The following ATXN1 variants were observed in gnomAD, a reference collection of about 807,000 sequenced individuals.
The protein encoded by ATXN1 is ataxin-1.
Under a neutral mutation model 56.4 loss-of-function variants are expected in ATXN1, and 8 were observed. That is an observed-to-expected ratio of 0.14 (90% CI 0.08 to 0.26). ATXN1 has a LOEUF of 0.26. Among genes scored for constraint, ATXN1 ranks in the 10% least tolerant of loss-of-function variants. The probability of loss-of-function intolerance (pLI) is 1.00; values close to 1 mark genes in which losing one functional copy is unlikely to be tolerated. For synonymous variants in ATXN1, 514 were observed against 494.6 expected (o/e 1.04, Z -0.52); for missense variants, 987 against 1,106.5 (o/e 0.89, Z 1.53).
At chr6:16,704,856 A>G (rs1759372903) in intron 2 of ATXN1, among the ~76,000 whole-genome samples, 1 of 152,202 alleles carries the variant, frequency 6.6e-6, no homozygotes, top group African/African-American at 2.4e-5. Context: ...CGTCTGCACC[A>G]ATGTGCAGAA....
At chr6:16,651,881 A>C (rs1341651904) in intron 3 of ATXN1, 1 of 152,122 alleles carries the variant, frequency 6.6e-6, no homozygotes, top group African/African-American at 2.4e-5. Context: ...TTTCCTTTTT[A>C]CTCCAACAAT....
intron 2 of ATXN1, among the ~76,000 whole-genome samples, chr6:16,735,829 GA>G (rs950422961): frequency 1.3e-5 from 2 of 148,866 alleles, no homozygotes; most frequent in African/African-American, 4.9e-5. Context: ...TCTCAAAAAA[GA>G]AAAAAAAACT....
chr6:16,450,825 T>G (rs1401795209), intron 6 of ATXN1, among the ~76,000 whole-genome samples: 1 of 152,180 alleles, frequency 6.6e-6, no homozygotes, highest in Non-Finnish European at 1.5e-5. Flanking sequence ...TTCCTAAACA[T>G]CATGGAGAGG....
chr6:16,647,969 G>T (rs1266611301), intron 3 of ATXN1, among the ~76,000 whole-genome samples: 2 of 152,112 alleles, frequency 1.3e-5, no homozygotes, highest in African/African-American at 2.4e-5. Flanking sequence ...CCAGCTACTT[G>T]GGAGGCTGAG....
Position 16,306,996 on chromosome 6 carries a change from C to G in ATXN1, c.1918-137G>C. 1 of 1,066,850 alleles carries G rather than the reference C, an allele frequency of 9.4e-7. No individual in the cohort carries two copies. Among genetic ancestry groups the G allele is most frequent in the Non-Finnish European group, 1.3e-6 (1 of 763,094 alleles). 66.1% of individuals were successfully genotyped at this position (1,066,850 alleles called of 1,614,324 possible). ...ACAGGCTGAATGGGGGAAAATGACT[C>G]AGTTTGCAAACCTCCCTCTCCCCCA... On this transcript the variant is annotated intron_variant, in intron 7 of 7. Transcript: ENST00000436367. This position sits in a 1 kb window ranked among gnomAD's most constrained non-coding sequence, Gnocchi z 5.2.
intron 2 of ATXN1, among the ~76,000 whole-genome samples, chr6:16,741,992 G>T (rs1323389326): frequency 1.3e-5 from 2 of 152,170 alleles, no homozygotes; most frequent in Non-Finnish European, 2.9e-5. Flanking sequence ...AACAGAACAG[G>T]AAAGCCAAAA....
At chr6:16,394,219 G>A (rs1758410729) in intron 6 of ATXN1, among the ~76,000 whole-genome samples, 1 of 152,088 alleles carries the variant, frequency 6.6e-6, no homozygotes, top group Non-Finnish European at 1.5e-5. Context: ...CTGTGATTAT[G>A]GAAGGAAGTA....
At chr6:16,604,170 T>G (rs902788485) in intron 3 of ATXN1, among the ~76,000 whole-genome samples, 1 of 151,968 alleles carries the variant, frequency 6.6e-6, no homozygotes, top group Non-Finnish European at 1.5e-5. Context: ...ATGGAAATGC[T>G]TCTCAAGAAC....
At chr6:16,561,344 GTTAA>G (rs541464496) in intron 4 of ATXN1, among the ~76,000 whole-genome samples, 231 of 152,262 alleles carry the variant, frequency 1.5e-3, no homozygotes, top group Middle Eastern at 3.4e-3. Flanking sequence ...AATTACAGGA[GTTAA>G]TTATTTTGGT....
intron 5 of ATXN1, among the ~76,000 whole-genome samples, chr6:16,514,682 G>A (rs113415655): frequency 6.6e-6 from 1 of 152,082 alleles, no homozygotes; most frequent in African/African-American, 2.4e-5. Context: ...CCTGGGTTCT[G>A]CCACAGGCTC....
intron 2 of ATXN1, among the ~76,000 whole-genome samples, chr6:16,705,561 CCT>C (rs2113445513): frequency 6.6e-6 from 1 of 152,268 alleles, no homozygotes; most frequent in Non-Finnish European, 1.5e-5. Flanking sequence ...ACACTACCCC[CCT>C]CTCATTCACT....
At chr6:16,347,727 A>G (rs915326868) in intron 6 of ATXN1, among the ~76,000 whole-genome samples, 6 of 152,212 alleles carry the variant, frequency 3.9e-5, no homozygotes, top group Non-Finnish European at 7.3e-5. Context: ...AAATGCACCA[A>G]TCAGTACCCT....
chr6:16,557,161 C>T (rs968780909), intron 4 of ATXN1, among the ~76,000 whole-genome samples: 1 of 151,850 alleles, frequency 6.6e-6, no homozygotes, highest in Non-Finnish European at 1.5e-5. Context: ...GCCGTCTCTA[C>T]TAAAAATACA....
chr6:16,328,224 C>T lies in ATXN1; in HGVS notation c.87G>A (p.Lys29=), dbSNP rs758843679. ...IPATSRSSEE[K]APTLPSDNHR... is the part of the protein sequence containing the mutation. ...GGTTGTCGCTGGGCAGGGTAGGGGCCTTCTCCTCGGAGGACCGGCTGGTGG... is the reference window on the plus strand; with the variant it reads ...GGTTGTCGCTGGGCAGGGTAGGGGCTTTCTCCTCGGAGGACCGGCTGGTGG... Residue 29 remains lysine, a synonymous_variant, in exon 7 of 8, where the codon AAG becomes AAA. Coordinates refer to ENST00000436367, the MANE Select transcript of ATXN1 (RefSeq NM_001128164.2). This position sits in a 1 kb window ranked among gnomAD's most constrained non-coding sequence, Gnocchi z 6.2. 2 of 1,583,814 alleles carry T rather than the reference C, an allele frequency of 1.3e-6. No individual in the cohort carries two copies. Among genetic ancestry groups the T allele is most frequent in the South Asian group, 1.1e-5 (1 of 88,206 alleles).
intron 4 of ATXN1, among the ~76,000 whole-genome samples, chr6:16,557,345 A>T (rs1186643456): frequency 6.7e-6 from 1 of 149,428 alleles, no homozygotes; most frequent in African/African-American, 2.5e-5. Context: ...AAAAAAAAAA[A>T]ACAAATCTAC....
In ATXN1 at chr6:16,629,544, T is replaced by C. The variant is rs190575657; in HGVS notation, c.-489+28232A>G. On this transcript the variant is annotated intron_variant, in intron 3 of 7. Coordinates refer to ENST00000436367, the MANE Select transcript of ATXN1 (RefSeq NM_001128164.2). ...TGGGGTTTCACCATGTTTGCAAGGCTGGTCTCTAACTCCTGACTTTGTGAT... is the reference window on the plus strand; with the variant it reads ...TGGGGTTTCACCATGTTTGCAAGGCCGGTCTCTAACTCCTGACTTTGTGAT... 2.6e-5 allele frequency among the ~76,000 whole-genome samples: 4 copies of C among 152,310 alleles called. No homozygotes were observed. In the East Asian group the frequency reaches 7.7e-4, roughly 29 times the overall value.
chr6:16,469,841 T>C (rs1228502674), intron 6 of ATXN1, among the ~76,000 whole-genome samples: 1 of 151,780 alleles, frequency 6.6e-6, no homozygotes, highest in Non-Finnish European at 1.5e-5. Flanking sequence ...CGGGCACCTG[T>C]AATCCCAGCT....
At chr6:16,660,832 G>GTTTTTTTTTT (rs754718969) in intron 2 of ATXN1, among the ~76,000 whole-genome samples, 2 of 93,020 alleles carry the variant, frequency 2.2e-5, no homozygotes, top group African/African-American at 4.2e-5. Context: ...TTTTGTTTTG[G>GTTTTTTTTTT]TTTTTTTTTT....
chr6:16,740,774 C>CCCACCG (rs1760313117), intron 2 of ATXN1, among the ~76,000 whole-genome samples: 1 of 152,152 alleles, frequency 6.6e-6, no homozygotes, highest in South Asian at 2.1e-4. Context: ...CTCAGGCGAT[C>CCCACCG]CCACCGCCTT....
Sources: gnomAD v4.1 joint callset for allele counts (sites outside exome capture counted in the v4.1 genomes callset) on GRCh38, gnomAD v4.1.1 for gene constraint, Gnocchi (gnomAD v3.1) non-coding constraint, MANE v1.5 for transcripts, NCBI Gene and HGNC (gene_info 2026-07-23, HGNC 2026-07-21) for gene names.